Variants in STXBP2 observed in about 807,000 individuals in gnomAD.
STXBP2 encodes the protein syntaxin-binding protein 2.
Under a neutral mutation model 72.2 loss-of-function variants are expected in STXBP2, and 47 were observed. The ratio of observed to expected loss-of-function variants is 0.65; its 90% confidence interval spans 0.51 to 0.83. The LOEUF (loss-of-function observed/expected upper bound fraction) is 0.83. Ranked by LOEUF, STXBP2 falls within the 40% of genes least tolerant of loss-of-function variation. The probability of loss-of-function intolerance (pLI) is 0.00; values close to 1 mark genes in which losing one functional copy is unlikely to be tolerated. For synonymous variants in STXBP2, 367 were observed against 338.7 expected (o/e 1.08, Z -0.92); for missense variants, 702 against 807.6 (o/e 0.87, Z 1.58).
chr19:7,631,411 G>GGGGGGGGGGGGGGGGGC, the STXBP2 span: 1 of 886,152 alleles, frequency 1.1e-6, no homozygotes, highest in Admixed American at 2.5e-5. Flanking sequence ...GGGGGGGGTG[G>GGGGGGGGGGGGGGGGGC]TCCCGGCTCT....
Position 7,639,952 on chromosome 19 carries a change from G to C in STXBP2, c.246+145G>C, listed in dbSNP as rs541943323. On this transcript the variant is annotated intron_variant, in intron 4 of 18. Coordinates refer to ENST00000221283, the MANE Select transcript of STXBP2 (RefSeq NM_006949.4). Reference sequence around the variant, plus strand: ...TGTATGTGTGTGCATGTGTGTGCATGTGTGTGTGCATCTGTGTATGCATGT... The same window carrying C: ...TGTATGTGTGTGCATGTGTGTGCATCTGTGTGTGCATCTGTGTATGCATGT... 1.9e-3 allele frequency: 1,409 copies of C among 746,460 alleles called. 4 individuals carry two copies. The African/African-American group carries it at 0.021, about 11-fold the overall frequency. The allele number at this position is 746,460 out of a possible 1,614,324, so 46.2% of individuals were successfully genotyped here. A position where few individuals can be genotyped will look rare whatever the true frequency, so the allele number is the denominator to read the frequency against.
rs995259506 is a variant in STXBP2, at chr19:7,644,961, C to A, written c.1246+209C>A. 1.3e-5 allele frequency: 19 copies of A among 1,447,002 alleles called. No homozygotes were observed. In the African/African-American group the frequency reaches 2.4e-4, roughly 18 times the overall value. 89.6% of individuals were successfully genotyped at this position (1,447,002 alleles called of 1,614,324 possible). On this transcript the variant is annotated intron_variant, in intron 14 of 18. Transcript: ENST00000221283. ...TGAGGGCTCCCTGCTAACGTAGAAA[C>A]CCTCACATCTGTGATTCCTATAGAT...
Position 7,641,146 on chromosome 19 carries a change from C to T in STXBP2, c.429+143C>T, listed in dbSNP as rs1361471062. The T allele has an allele frequency of 4.6e-6, 4 of 867,448 alleles. No individual in the cohort carries two copies. The Admixed American group carries it at 8.0e-5, about 17-fold the overall frequency. The allele number at this position is 867,448 out of a possible 1,614,324, so 53.7% of individuals were successfully genotyped here. A position where few individuals can be genotyped will look rare whatever the true frequency, so the allele number is the denominator to read the frequency against. ...GTGGGAGGCCAGGGCAGGAGGATCA[C>T]TTGGGGCCAGGAGTTTGAGACCAGC... is the stretch of plus-strand genomic sequence containing the variant. On this transcript the variant is annotated intron_variant, in intron 6 of 18. Coordinates refer to ENST00000221283, the MANE Select transcript of STXBP2 (RefSeq NM_006949.4).
chr19:7,642,401 A>T lies in STXBP2; in HGVS notation c.795-28A>T. 10 of 1,613,278 alleles carry T rather than the reference A, an allele frequency of 6.2e-6. No individual in the cohort carries two copies. The highest frequency in any genetic ancestry group is 8.5e-6 in the Non-Finnish European group (10 of 1,179,660). ...GGTTCCCCAGTCCTCAGCTCCCCTG[A>T]CCCCCAGGCTCCCTCCTTCCTCCCC... On this transcript the variant is annotated intron_variant, in intron 9 of 18. Coordinates refer to ENST00000221283, the MANE Select transcript of STXBP2 (RefSeq NM_006949.4). The surrounding 1 kb of genome is among the most constrained non-coding windows in gnomAD (Gnocchi z 6.0).
chr19:7,632,690 G>A, upstream of STXBP2: 1 of 1,549,660 alleles, frequency 6.5e-7, no homozygotes, highest in Non-Finnish European at 8.7e-7. This position sits in a 1 kb window ranked among gnomAD's most constrained non-coding sequence, Gnocchi z 5.2. Context: ...ACGCCCCATG[G>A]ACAGCACCCC....
chr19:7,639,889 T>G (rs1260271425), intron 4 of STXBP2, 82 bp downstream of exon 4: 1 of 1,368,680 alleles, frequency 7.3e-7, no homozygotes, highest in African/African-American at 1.4e-5. Flanking sequence ...TGCATGTGAT[T>G]GCATGTGTGC....
In STXBP2 at chr19:7,647,642, C is replaced by A. The variant is rs993725765; in HGVS notation, c.1697-83C>A. ...TGGTTTGCTGAGGGACAGGGACAGC[C>A]CCACACCAGCCGGGACCGGGAGCCT... On this transcript the variant is annotated intron_variant, in intron 18 of 18. Transcript: ENST00000221283. The A allele has an allele frequency of 8.8e-6, 14 of 1,599,150 alleles. No individual in the cohort carries two copies. The African/African-American group carries it at 1.6e-4, about 18-fold the overall frequency.
In STXBP2 at chr19:7,641,812, G is replaced by A. The variant is rs534589089; in HGVS notation, c.537G>A (p.Leu179=). The A allele has an allele frequency of 1.7e-5, 26 of 1,552,020 alleles. No individual in the cohort carries two copies. Among genetic ancestry groups the A allele is most frequent in the Non-Finnish European group, 2.0e-5 (23 of 1,148,052 alleles). The part of the protein sequence containing the change: ...LEVLAQQIAT[L]CATLQEYPAI... ...TGCTGGCCCAGCAGATTGCCACGCT[G>A]TGCGCCACCCTGCAGGAGTACCCGG... Residue 179 remains leucine (L), a synonymous_variant, in exon 7 of 19, where the codon CTG becomes CTA. Transcript: ENST00000221283.
At position 7,641,690 on chromosome 19, in the gene STXBP2, C is replaced by T. The variant is rs1408871996; in HGVS notation, c.430-15C>T. 9 of 1,551,508 alleles carry T rather than the reference C, an allele frequency of 5.8e-6. No individual in the cohort carries two copies. The highest frequency in any genetic ancestry group is 7.8e-6 in the Non-Finnish European group (9 of 1,147,774). ...GCAGCGGCAACCCTGGTGCTTCTGTCCCCTCCTCGCCCAGGTGTTCTCCCT... is the reference window on the plus strand; with the variant it reads ...GCAGCGGCAACCCTGGTGCTTCTGTTCCCTCCTCGCCCAGGTGTTCTCCCT... On this transcript the variant is annotated splice_polypyrimidine_tract_variant and intron_variant, in intron 6 of 18. Transcript: ENST00000221283.
At chr19:7,638,604 TAAAAAA>T in intron 1 of STXBP2, 116 bp from the exon 2 acceptor site, 1 of 936,380 alleles carries the variant, frequency 1.1e-6, no homozygotes, top group Non-Finnish European at 1.6e-6. Flanking sequence ...CCTCCTCTCT[TAAAAAA>T]AAAAAAAAAG....
Position 7,640,006 on chromosome 19 carries a change from ATG to A in STXBP2, c.246+203_246+204del, listed in dbSNP as rs567229782. 5.4e-3 allele frequency: 3,651 copies of A among 677,584 alleles called. 30 individuals carry two copies. The highest frequency in any genetic ancestry group is 0.016 in the Middle Eastern group (40 of 2,536). 42.0% of individuals were successfully genotyped at this position (677,584 alleles called of 1,614,324 possible). On this transcript the variant is annotated intron_variant, in intron 4 of 18. Transcript: ENST00000221283. ...TGCGTGTTTGCATGTGTGTCTATGT[ATG>A]TGTCTGTGTGCATGTGCATGTGTGT...
the STXBP2 span, chr19:7,631,536 G>A: frequency 5.5e-5 from 85 of 1,535,792 alleles, no homozygotes; most frequent in Admixed American, 7.9e-5. Flanking sequence ...GCTCCTTCGC[G>A]ACGCCCAGCA....
chr19:7,630,175 G>T, the STXBP2 span: 171 of 468,446 alleles, frequency 3.7e-4, no homozygotes, highest in African/African-American at 3.2e-3. Flanking sequence ...GCTCGTGGTG[G>T]GTGGGTGTCT....
At chr19:7,644,517 C>T (rs2032048226) in intron 13 of STXBP2, 97 bp from the exon 14 acceptor site, 13 of 1,554,000 alleles carry the variant, frequency 8.4e-6, no homozygotes, top group Middle Eastern at 2.0e-4. Flanking sequence ...ACCCAAATGT[C>T]CTCTTGCCGA....
chr19:7,633,387 T>C, upstream of STXBP2: 2 of 1,557,094 alleles, frequency 1.3e-6, no homozygotes, highest in Non-Finnish European at 1.7e-6. Flanking sequence ...GGGGGTGGGG[T>C]GGGGGCAGGG....
rs1460440264 is a variant in STXBP2, at chr19:7,640,472, G to T, written c.247-259G>T. On this transcript the variant is annotated intron_variant, in intron 4 of 18. Transcript: ENST00000221283. ...TGTATGTATGTGTGTGCATCTCTGT[G>T]TGTGCATGTGTGTATGTGTGTGTGC... The T allele has an allele frequency of 5.9e-6, 4 of 679,664 alleles. No homozygotes were observed. The Admixed American group carries it at 8.2e-5, about 14-fold the overall frequency. 42.1% of individuals were successfully genotyped at this position (679,664 alleles called of 1,614,324 possible).
chr19:7,639,928 GTATGTGTGTGCA>G (rs764294102), intron 4 of STXBP2, 121 bp downstream of exon 4: 10 of 1,062,406 alleles, frequency 9.4e-6, no homozygotes, highest in East Asian at 5.2e-5. Context: ...GTGTCCATGT[GTATGTGTGTGCA>G]TGTGTGTGCA....
intron 16 of STXBP2, 137 bp downstream of exon 16, chr19:7,646,481 C>A: frequency 1.1e-6 from 1 of 875,768 alleles, no homozygotes; most frequent in Non-Finnish European, 1.9e-6. Flanking sequence ...CCGATCTGCT[C>A]TGCTGAGGGG....
rs137978942 is a variant in STXBP2, at chr19:7,646,323, G to C, written c.1431G>C (p.Pro477=). ...CCTATCAGCTGTCCCGCTGGACCCCGGTCATCAAGGATGTAATGGAGGTAC... is the reference window on the plus strand; with the variant it reads ...CCTATCAGCTGTCCCGCTGGACCCCCGTCATCAAGGATGTAATGGAGGTAC... ...EPTYQLSRWT[P]VIKDVMEDAV... Residue 477 remains proline, a synonymous_variant, in exon 16 of 19, where the codon CCG becomes CCC. Transcript: ENST00000221283. 3.1e-6 allele frequency: 5 copies of C among 1,610,002 alleles called. No individual in the cohort carries two copies. Among genetic ancestry groups the C allele is most frequent in the South Asian group, 1.1e-5 (1 of 90,110 alleles).
Sources: allele counts gnomAD v4.1 joint callset, GRCh38; gene constraint gnomAD v4.1.1; non-coding constraint Gnocchi (gnomAD v3.1); transcripts MANE v1.5; gene names NCBI Gene and HGNC (gene_info 2026-07-23, HGNC 2026-07-21).